Variants in KPTN observed in about 807,000 individuals in gnomAD.
KPTN encodes kaptin, actin binding protein, also known as KICSTOR complex protein kaptin.
A neutral mutation model predicts 52.6 loss-of-function variants in KPTN; 36 were observed. The observed-to-expected ratio is 0.68, with a 90% CI of 0.52 to 0.90. KPTN has a LOEUF of 0.90. Ranked by LOEUF, KPTN falls within the 40% of genes least tolerant of loss-of-function variation. KPTN has a pLI of 0.00. For missense variants in KPTN, 529 were observed against 576.2 expected (o/e 0.92, Z 0.84); for synonymous variants, 271 against 248.4 (o/e 1.09, Z -0.85).
chr19:47,483,538 G>A lies in KPTN; in HGVS notation c.273C>T (p.Pro91=), dbSNP rs756075147. The A allele has an allele frequency of 1.3e-6, 2 of 1,579,392 alleles. No individual in the cohort carries two copies. Among genetic ancestry groups the A allele is most frequent in the East Asian group, 2.3e-5 (1 of 42,982 alleles). The change falls in exon 2 of 12, where the codon CCC becomes CCT. Residue 91 remains proline (P), a synonymous_variant. Transcript: ENST00000338134. The part of the protein sequence containing the change: ...VSIDTFNKSP[P]KRGLVVGITF... ...TGATCCCCACAACCAGACCCCGCTT[G>A]GGGGGTGACTTGTTGAAAGTGTCGA... is the stretch of plus-strand genomic sequence containing the variant.
At position 47,482,487 on chromosome 19, in the gene KPTN, AAAAAAAAAG is replaced by A. The variant is rs995875247; in HGVS notation, c.449+665_449+673del. On this transcript the variant is annotated intron_variant, in intron 4 of 11. Coordinates refer to ENST00000338134, the MANE Select transcript of KPTN (RefSeq NM_007059.4). ...CAGAGCGAGCATCTATCTCAAAAAA[AAAAAAAAAG>A]AAAGAAAAAAAAAGTGCAATGCTTT... 6.2e-4 allele frequency among the ~76,000 whole-genome samples: 94 copies of A among 151,222 alleles called. 1 individual carries two copies. The highest frequency in any genetic ancestry group is 1.9e-3 in the Admixed American group (29 of 15,178).
At position 47,476,870 on chromosome 19, in the gene KPTN, A is replaced by G; in HGVS notation, c.932T>C (p.Leu311Pro). 6.4e-7 allele frequency: 1 copy of G among 1,569,820 alleles called. No individual in the cohort carries two copies. The highest frequency in any genetic ancestry group is 8.6e-7 in the Non-Finnish European group (1 of 1,156,866). Residue 311 changes from leucine (L) to proline (P), a missense_variant, in exon 10 of 12, where the codon CTC (leucine) becomes CCC (proline). Transcript: ENST00000338134. ...ATCCACATCGGTGACCAGGCTGCAGAGGACGCTGTCAAACTGGTCACTGCC... is the reference window on the plus strand; with the variant it reads ...ATCCACATCGGTGACCAGGCTGCAGGGGACGCTGTCAAACTGGTCACTGCC... The part of the protein sequence containing the change: ...LPGSDQFDSV[L>P]CSLVTDVDLD...
Position 47,484,120 on chromosome 19 carries a change from A to G in KPTN, c.41T>C (p.Leu14Ser), listed in dbSNP as rs771598349. 1 of 1,602,296 alleles carries G rather than the reference A, an allele frequency of 6.2e-7. No homozygotes were observed. The highest frequency in any genetic ancestry group is 8.5e-7 in the Non-Finnish European group (1 of 1,179,548). ...EAAVAAGPCP[L>S]REDSFTRFSS... is the part of the protein sequence containing the mutation. Reference sequence around the variant, plus strand: ...GAAGCGCGTGAAGCTGTCCTCGCGCAACGGACAAGGCCCCGCGGCCACGGC... The same window carrying G: ...GAAGCGCGTGAAGCTGTCCTCGCGCGACGGACAAGGCCCCGCGGCCACGGC... Residue 14 changes from leucine (L) to serine (S), a missense_variant, in exon 1 of 12, where the codon TTG (leucine) becomes TCG (serine). Leu to Ser is a moderately radical substitution (Grantham distance 145). Coordinates refer to ENST00000338134, the MANE Select transcript of KPTN (RefSeq NM_007059.4).
At position 47,483,529 on chromosome 19, in the gene KPTN, A is replaced by T; in HGVS notation, c.282T>A (p.Gly94=). ...TGATGAACGTGATCCCCACAACCAG[A>T]CCCCGCTTGGGGGGTGACTTGTTGA... ...DTFNKSPPKR[G]LVVGITFIKD... is the part of the protein sequence containing the mutation. The change falls in exon 2 of 12, where the codon GGT becomes GGA. Residue 94 remains glycine, a synonymous_variant. Transcript: ENST00000338134. 1 of 1,583,344 alleles carries T rather than the reference A, an allele frequency of 6.3e-7. No homozygotes were observed. Among genetic ancestry groups the T allele is most frequent in the South Asian group, 1.1e-5 (1 of 88,122 alleles).
intron 4 of KPTN, among the ~76,000 whole-genome samples, chr19:47,482,136 T>C (rs984793488): frequency 6.6e-6 from 1 of 152,174 alleles, no homozygotes; most frequent in African/African-American, 2.4e-5. Flanking sequence ...TCAGATTATC[T>C]AGTTCAGGAA....
Position 47,480,324 on chromosome 19 carries a change from A to C in KPTN, c.683T>G (p.Val228Gly). Residue 228 changes from valine to glycine, a missense_variant, in exon 7 of 12, where the codon GTC (valine) becomes GGC (glycine). Physicochemically the swap from Val to Gly is moderately radical, Grantham distance 109. Transcript: ENST00000338134. ...ALGCQSGYVRVAHVDQRSREV... is the reference protein window; with the variant it reads ...ALGCQSGYVRGAHVDQRSREV... ...TCGACTCCGCTGGTCCACGTGGGCG[A>C]CACGGACATAACCACTCTGACAGCC... 6.6e-7 allele frequency: 1 copy of C among 1,525,796 alleles called. No individual in the cohort carries two copies. Among genetic ancestry groups the C allele is most frequent in the Non-Finnish European group, 8.8e-7 (1 of 1,132,742 alleles). 94.5% of individuals were successfully genotyped at this position (1,525,796 alleles called of 1,614,324 possible).
chr19:47,483,768 T>G, intron 1 of KPTN, 167 bp downstream of exon 1: 1 of 1,006,596 alleles, frequency 9.9e-7, no homozygotes, highest in East Asian at 2.6e-5. Flanking sequence ...CCTGAAACCC[T>G]AGGCTCATCC....
Position 47,480,324 on chromosome 19 carries a change from A to G in KPTN, c.683T>C (p.Val228Ala). The change falls in exon 7 of 12, where the codon GTC becomes GCC. Residue 228 changes from valine to alanine, a missense_variant. Coordinates refer to ENST00000338134, the MANE Select transcript of KPTN (RefSeq NM_007059.4). ...TCGACTCCGCTGGTCCACGTGGGCG[A>G]CACGGACATAACCACTCTGACAGCC... ...ALGCQSGYVR[V>A]AHVDQRSREV... is the part of the protein sequence containing the mutation. The G allele has an allele frequency of 6.6e-7, 1 of 1,525,796 alleles. No individual in the cohort carries two copies. 94.5% of individuals were successfully genotyped at this position (1,525,796 alleles called of 1,614,324 possible). A position where few individuals can be genotyped will look rare whatever the true frequency, so the allele number is the denominator to read the frequency against.
upstream of KPTN, chr19:47,484,235 C>A: frequency 6.8e-7 from 1 of 1,477,842 alleles, no homozygotes; most frequent in South Asian, 1.3e-5. Flanking sequence ...TCTAAGCGAC[C>A]TGAACCGCCG....
chr19:47,483,605 G>C, intron 1 of KPTN, 21 bp from the exon 2 acceptor site: 2 of 1,517,052 alleles, frequency 1.3e-6, no homozygotes, highest in South Asian at 1.2e-5. Flanking sequence ...AGAGTTCTAA[G>C]TTCAGTGTCA....
rs747616264 is a variant in KPTN at position 47,476,557 on chromosome 19, GA to G, written c.1156del (p.Ser386ProfsTer2). 1.2e-6 allele frequency: 2 copies of G among 1,610,262 alleles called. No homozygotes were observed. Among genetic ancestry groups the G allele is most frequent in the Admixed American group, 3.4e-5 (2 of 59,348 alleles). ...CTGCAGGATGTGCACGCCCTTCAGG[GA>G]GACCACGGCAAGCTCCTGCAGCCCA... ...GDGLQELAVV[S>X]LKGVHILQHS... On this transcript the variant is annotated frameshift_variant, in exon 11 of 12. Transcript: ENST00000338134. LOFTEE classifies it high-confidence loss of function.
At chr19:47,484,279 G>A (rs1968003872), upstream of KPTN, 2 of 1,287,714 alleles carry the variant, frequency 1.6e-6, no homozygotes, top group Non-Finnish European at 2.1e-6. Flanking sequence ...GATGACGTAC[G>A]GAAGCTGCCG....
chr19:47,476,676 C>A lies in KPTN; in HGVS notation c.1038G>T (p.Gly346=). ...GGAACCCGTGCTGGGCCTCAGGAAG[C>A]CCCGACTCTGGGCCCCGGTACTTAT... is the stretch of plus-strand genomic sequence containing the variant. ...LCYKYRGPES[G]LPEAQHGFHL... is the part of the protein sequence containing the mutation. The change falls in exon 11 of 12, where the codon GGG becomes GGT. Residue 346 remains glycine, a synonymous_variant. Transcript: ENST00000338134. 2 of 1,612,822 alleles carry A rather than the reference C, an allele frequency of 1.2e-6. No homozygotes were observed. The highest frequency in any genetic ancestry group is 1.7e-6 in the Non-Finnish European group (2 of 1,179,628).
At chr19:47,476,464 G>A (rs1568452973) in intron 11 of KPTN, 68 bp downstream of exon 11, 5 of 1,366,212 alleles carry the variant, frequency 3.7e-6, no homozygotes, top group Non-Finnish European at 5.0e-6. Flanking sequence ...TCCCCCAGGA[G>A]GAGGCCTGCA....
rs370693943 is a variant in KPTN at position 47,483,969 on chromosome 19, T to A, written c.192A>T (p.Pro64=). The change falls in exon 1 of 12, where the codon CCA becomes CCT. Residue 64 remains proline, a synonymous_variant. Coordinates refer to ENST00000338134, the MANE Select transcript of KPTN (RefSeq NM_007059.4). ...RYQDLRQKIR[P]VAKELQFNYI... ...AGTTGAACTGCAGCTCCTTGGCCACTGGCCGGATTTTCTGTCGGAGGTCTT... is the reference window on the plus strand; with the variant it reads ...AGTTGAACTGCAGCTCCTTGGCCACAGGCCGGATTTTCTGTCGGAGGTCTT... 1.2e-6 allele frequency: 2 copies of A among 1,612,356 alleles called. No individual in the cohort carries two copies. The highest frequency in any genetic ancestry group is 1.7e-5 in the Admixed American group (1 of 59,886).
chr19:47,475,956 G>A (rs1437370784), intron 11 of KPTN, among the ~76,000 whole-genome samples: 1 of 149,540 alleles, frequency 6.7e-6, no homozygotes, highest in African/African-American at 2.5e-5. Flanking sequence ...ACTCCAGCCT[G>A]GGAAACAGAG....
Position 47,483,497 on chromosome 19 carries a change from G to C in KPTN, c.309+5C>G. 6.3e-7 allele frequency: 1 copy of C among 1,598,424 alleles called. No individual in the cohort carries two copies. Among genetic ancestry groups the C allele is most frequent in the Non-Finnish European group, 8.5e-7 (1 of 1,171,732 alleles). ...GCGAAGGGAGGTGGAGGGGGCTCTAGGTACCTTGATGAACGTGATCCCCAC... is the reference window on the plus strand; with the variant it reads ...GCGAAGGGAGGTGGAGGGGGCTCTACGTACCTTGATGAACGTGATCCCCAC... On this transcript the variant is annotated splice_donor_5th_base_variant and intron_variant, in intron 2 of 11. Coordinates refer to ENST00000338134, the MANE Select transcript of KPTN (RefSeq NM_007059.4).
At chr19:47,484,874 A>G (rs1451833001), upstream of KPTN, among the ~76,000 whole-genome samples, 1 of 151,714 alleles carries the variant, frequency 6.6e-6, no homozygotes, top group East Asian at 1.9e-4. Context: ...TAGTTTTTCT[A>G]TTTTTAGTAG....
chr19:47,478,771 T>G (rs1967765535), intron 8 of KPTN, among the ~76,000 whole-genome samples: 1 of 152,112 alleles, frequency 6.6e-6, no homozygotes, highest in South Asian at 2.1e-4. Flanking sequence ...GAGACCATTA[T>G]TCTAAGTGCA....
Sources: gnomAD v4.1 joint callset for allele counts (sites outside exome capture counted in the v4.1 genomes callset) on GRCh38, gnomAD v4.1.1 for gene constraint, MANE v1.5 for transcripts, NCBI Gene and HGNC (gene_info 2026-07-23, HGNC 2026-07-21) for gene names.